Variants in DUSP16 observed in about 807,000 individuals in gnomAD.
The protein encoded by DUSP16 is dual specificity phosphatase 16, also known as dual specificity protein phosphatase 16.
In DUSP16, 21 loss-of-function variants were observed where a neutral mutation model predicts 58.3. The ratio of observed to expected loss-of-function variants is 0.36; its 90% CI spans 0.26 to 0.52. The LOEUF is 0.52. Among genes scored for constraint, DUSP16 ranks in the 20% least tolerant of loss-of-function variants. The probability of loss-of-function intolerance (pLI) is 0.94; values close to 1 mark genes in which losing one functional copy is unlikely to be tolerated. For synonymous variants in DUSP16, 320 were observed against 323.8 expected, an observed-to-expected ratio of 0.99 and a Z score of 0.12; for missense variants, 726 against 819.0, an observed-to-expected ratio of 0.89 and a Z score of 1.39.
At position 12,557,389 on chromosome 12, in the gene DUSP16, G is replaced by A. The variant is rs182699332; in HGVS notation, c.-366+4728C>T. ...GGGGAATCGCTTGAACCCGGGAGGC[G>A]GAGGCTGCAGAAAGCCGAGATGGCG... is the stretch of plus-strand genomic sequence containing the variant. On this transcript the variant is annotated intron_variant, in intron 1 of 6. Transcript: ENST00000298573. 4.6e-3 allele frequency among the ~76,000 whole-genome samples: 697 copies of A among 151,244 alleles called. 4 individuals carry two copies. Among genetic ancestry groups the A allele is most frequent in the East Asian group, 0.019 (100 of 5,146 alleles).
intron 4 of DUSP16, 123 bp downstream of exon 4, chr12:12,500,396 A>G (rs577194129): frequency 2.0e-4 from 227 of 1,151,624 alleles, no homozygotes; most frequent in Non-Finnish European, 2.7e-4. Flanking sequence ...CCTGGGGAGC[A>G]CACTGAGAAT....
In DUSP16 at chr12:12,500,679, C is replaced by T. The variant is rs1263823613; in HGVS notation, c.371G>A (p.Gly124Glu). The change falls in exon 4 of 7, where the codon GGG (glycine) becomes GAG (glutamate). Residue 124 changes from glycine (G) to glutamate (E), a missense_variant. Transcript: ENST00000298573. ...SFNSVHLLAG[G>E]FAEFSRCFPG... ...GAAACAACGAGAGAACTCAGCAAAC[C>T]CACCTAAGAATAAACATTATAAAAT... 6.4e-7 allele frequency: 1 copy of T among 1,572,718 alleles called. No homozygotes were observed. The highest frequency in any genetic ancestry group is 2.0e-5 in the Admixed American group (1 of 49,622).
At chr12:12,547,975 G>A (rs1249246879) in intron 1 of DUSP16, among the ~76,000 whole-genome samples, 3 of 152,122 alleles carry the variant, frequency 2.0e-5, no homozygotes, top group African/African-American at 7.2e-5. Context: ...GAATCAACCC[G>A]AGCCCTCCAA....
intron 4 of DUSP16, among the ~76,000 whole-genome samples, chr12:12,489,973 C>T (rs536186613): frequency 6.6e-6 from 1 of 152,330 alleles, no homozygotes; most frequent in South Asian, 2.1e-4. Context: ...TTCTCACAAC[C>T]ACCCTTTGAT....
At chr12:12,489,788 A>C (rs1277504926) in intron 4 of DUSP16, among the ~76,000 whole-genome samples, 2 of 152,256 alleles carry the variant, frequency 1.3e-5, no homozygotes, top group African/African-American at 4.8e-5. Context: ...CCTACATTTT[A>C]AAGAAATGAC....
In DUSP16 at chr12:12,522,711, G is replaced by A. The variant is rs185974949; in HGVS notation, c.-365-1248C>T. ...CCCAAGTTGCTGGGACTACAGGCGC[G>A]CACCACCACACCCAGCTAATTTTTG... On this transcript the variant is annotated intron_variant, in intron 1 of 6. Transcript: ENST00000298573. Among the ~76,000 whole-genome samples, 21 of 151,840 alleles carry A rather than the reference G, an allele frequency of 1.4e-4. No individual in the cohort carries two copies. In the East Asian group the frequency reaches 3.1e-3, roughly 22 times the overall value.
chr12:12,487,014 T>G lies in DUSP16; in HGVS notation c.691+14A>C. On this transcript the variant is annotated intron_variant, in intron 5 of 6. Coordinates refer to ENST00000298573, the MANE Select transcript of DUSP16 (RefSeq NM_030640.3). ...ATCACCCACAGGACCTGCAATATTA[T>G]TTGAGCTACTTACCAATGAAATCTA... 1.2e-6 allele frequency: 2 copies of G among 1,613,510 alleles called. No homozygotes were observed. The highest frequency in any genetic ancestry group is 2.2e-5 in the South Asian group (2 of 91,030).
intron 3 of DUSP16, among the ~76,000 whole-genome samples, chr12:12,517,958 C>T (rs896593774): frequency 2.0e-5 from 3 of 152,150 alleles, no homozygotes; most frequent in Non-Finnish European, 4.4e-5. Context: ...CCTTATTGCC[C>T]AGTGAATGCC....
rs373841597 is a variant in DUSP16 at position 12,473,367 on chromosome 12, G to A, written c.*3466C>T. On this transcript the variant is annotated 3_prime_UTR_variant, in exon 7 of 7. Coordinates refer to ENST00000298573, the MANE Select transcript of DUSP16 (RefSeq NM_030640.3). ...CTGAGGCTGGTCATGAAGGGGCTCC[G>A]AGCACTGTCAGCAACTGGCCTGAAC... 3.3e-5 allele frequency among the ~76,000 whole-genome samples: 5 copies of A among 152,138 alleles called. No individual in the cohort carries two copies. The highest frequency in any genetic ancestry group is 9.7e-5 in the African/African-American group (4 of 41,424).
At chr12:12,526,159 C>A (rs1377151739) in intron 1 of DUSP16, among the ~76,000 whole-genome samples, 2 of 152,164 alleles carry the variant, frequency 1.3e-5, no homozygotes, top group East Asian at 3.8e-4. Context: ...GACTACAGAT[C>A]ATGGAAGAAA....
At chr12:12,486,040 G>A (rs1226859878) in intron 5 of DUSP16, among the ~76,000 whole-genome samples, 1 of 150,148 alleles carries the variant, frequency 6.7e-6, no homozygotes, top group Non-Finnish European at 1.5e-5. Context: ...TGATCCACCC[G>A]CCTAGGCCTC....
Position 12,480,436 on chromosome 12 carries a change from C to A in DUSP16, c.692-90G>T, listed in dbSNP as rs192154248. 2.0e-5 allele frequency: 30 copies of A among 1,474,568 alleles called. No homozygotes were observed. In the East Asian group the frequency reaches 6.7e-4, roughly 33 times the overall value. 91.3% of individuals were successfully genotyped at this position (1,474,568 alleles called of 1,614,324 possible). A position where few individuals can be genotyped will look rare whatever the true frequency, so the allele number is the denominator to read the frequency against. Reference sequence around the variant, plus strand: ...CCATTTACTTACTCAGTGTCTTCCACCTGAAAACCTCTACGCAAATCTCAT... The same window carrying A: ...CCATTTACTTACTCAGTGTCTTCCAACTGAAAACCTCTACGCAAATCTCAT... On this transcript the variant is annotated intron_variant, in intron 5 of 6. Coordinates refer to ENST00000298573, the MANE Select transcript of DUSP16 (RefSeq NM_030640.3).
At chr12:12,510,531 G>A (rs764312514) in intron 3 of DUSP16, among the ~76,000 whole-genome samples, 12 of 152,166 alleles carry the variant, frequency 7.9e-5, no homozygotes, top group Non-Finnish European at 1.3e-4. Flanking sequence ...GACAAGAGAC[G>A]TCATAGAGCA....
At chr12:12,540,949 CTTTTTTTTTTTT>C (rs1191975095) in intron 1 of DUSP16, among the ~76,000 whole-genome samples, 2 of 43,804 alleles carry the variant, frequency 4.6e-5, no homozygotes, top group Admixed American at 5.9e-4. Flanking sequence ...CTTTTCTTTT[CTTTTTTTTTTTT>C]TTTTTTTTTT....
At chr12:12,532,395 C>T (rs1162236519) in intron 1 of DUSP16, among the ~76,000 whole-genome samples, 2 of 152,118 alleles carry the variant, frequency 1.3e-5, no homozygotes, top group Admixed American at 6.5e-5. Context: ...AGAATAAAGT[C>T]AAGTCTCAGA....
chr12:12,482,157 C>G (rs554457622), intron 5 of DUSP16, among the ~76,000 whole-genome samples: 1 of 152,158 alleles, frequency 6.6e-6, no homozygotes, highest in South Asian at 2.1e-4. Flanking sequence ...ATCTCAAAAC[C>G]TAGATTATAA....
In DUSP16 at chr12:12,473,984, T is replaced by C. The variant is rs1943366193; in HGVS notation, c.*2849A>G. Among the ~76,000 whole-genome samples the C allele has an allele frequency of 6.6e-6, 1 of 152,240 alleles. No homozygotes were observed. The highest frequency in any genetic ancestry group is 2.1e-4 in the South Asian group (1 of 4,836). On this transcript the variant is annotated 3_prime_UTR_variant, in exon 7 of 7. Coordinates refer to ENST00000298573, the MANE Select transcript of DUSP16 (RefSeq NM_030640.3). The stretch of plus-strand genomic sequence containing the variant: ...AGTGTCTTAGGCTTTTTCACTGTAG[T>C]GTGCATTTAACGTACACAGTAAAGA...
rs753573137 is a variant in DUSP16 at position 12,477,912 on chromosome 12, G to T, written c.919C>A (p.Pro307Thr). 2 of 1,614,164 alleles carry T rather than the reference G, an allele frequency of 1.2e-6. No individual in the cohort carries two copies. Among genetic ancestry groups the T allele is most frequent in the East Asian group, 2.2e-5 (1 of 44,884 alleles). The change falls in exon 7 of 7, where the codon CCA (proline) becomes ACA (threonine). Residue 307 changes from proline (P) to threonine (T), a missense_variant. Transcript: ENST00000298573. This position sits in a 1 kb window ranked among gnomAD's most constrained non-coding sequence, Gnocchi z 4.1. ...KIKNQTGASGPKSKLKLLHLE... is the reference protein window; with the variant it reads ...KIKNQTGASGTKSKLKLLHLE... ...TGCAGCAGCTTGAGTTTGCTCTTTG[G>T]CCCTGATGCTCCAGTCTGGTTCTTA...
At chr12:12,508,327 G>C (rs1468711414) in intron 3 of DUSP16, among the ~76,000 whole-genome samples, 1 of 147,700 alleles carries the variant, frequency 6.8e-6, no homozygotes, top group Non-Finnish European at 1.5e-5. Context: ...TTGAAGAAAA[G>C]AAAAGAAAAA....
Sources: allele counts gnomAD v4.1 joint callset (sites outside exome capture counted in the v4.1 genomes callset), GRCh38; gene constraint gnomAD v4.1.1; non-coding constraint Gnocchi (gnomAD v3.1); transcripts MANE v1.5; gene names NCBI Gene and HGNC (gene_info 2026-07-23, HGNC 2026-07-21).